The following PCDH15 variants were observed in gnomAD, a reference collection of about 807,000 sequenced individuals.
PCDH15 encodes protocadherin-15.
A neutral mutation model predicts 178.5 loss-of-function variants in PCDH15; 129 were observed. The ratio of observed to expected loss-of-function variants is 0.72; its 90% CI spans 0.63 to 0.84. The LOEUF is 0.84. Among genes scored for constraint, PCDH15 ranks in the 40% least tolerant of loss-of-function variants. The probability of loss-of-function intolerance (pLI) is 0.00; values close to 1 mark genes in which losing one functional copy is unlikely to be tolerated. For synonymous variants in PCDH15, 800 were observed against 732.0 expected, an observed-to-expected ratio of 1.09 and a Z score of -1.50; for missense variants, 2,230 against 2,099.9, an observed-to-expected ratio of 1.06 and a Z score of -1.21.
chr10:53,845,062 C>T (rs1433361868), intron 28 of PCDH15, among the ~76,000 whole-genome samples: 2 of 151,768 alleles, frequency 1.3e-5, no homozygotes, highest in Non-Finnish European at 3.0e-5. Flanking sequence ...GGCCAAGGAT[C>T]TGAATAGACA....
chr10:55,517,744 A>G (rs1841054704), intron 2 of PCDH15, among the ~76,000 whole-genome samples: 1 of 152,154 alleles, frequency 6.6e-6, no homozygotes, highest in African/African-American at 2.4e-5. Flanking sequence ...ATTGGTAACA[A>G]TCCATACAAG....
rs2058086252 is a variant in PCDH15, at chr10:54,272,069, T to C, written c.877-35138A>G. On this transcript the variant is annotated intron_variant, in intron 8 of 37. Coordinates refer to ENST00000644397, the MANE Select transcript of PCDH15 (RefSeq NM_001384140.1). ...TATATATAAAACATTTGCTACTGGT[T>C]AGGAGTAACACTCAGAAAATCATAC... 2.1e-5 allele frequency among the ~76,000 whole-genome samples: 3 copies of C among 144,370 alleles called. No individual in the cohort carries two copies. In the South Asian group the frequency reaches 6.7e-4, roughly 32 times the overall value. The allele number at this position is 144,370 out of a possible 152,430, so 94.7% of individuals were successfully genotyped here. A position where few individuals can be genotyped will look rare whatever the true frequency, so the allele number is the denominator to read the frequency against.
intron 21 of PCDH15, among the ~76,000 whole-genome samples, chr10:53,979,552 A>T (rs1176149810): frequency 6.6e-6 from 1 of 152,192 alleles, no homozygotes; most frequent in Non-Finnish European, 1.5e-5. Context: ...TAACCTATAA[A>T]TATCTGCTAA....
intron 1 of PCDH15, among the ~76,000 whole-genome samples, chr10:54,687,826 T>C (rs2095041094): frequency 6.6e-6 from 1 of 152,054 alleles, no homozygotes. Context: ...CTGGGGTCCC[T>C]ATACCTATTA....
At chr10:53,897,109 T>A (rs920773347) in intron 26 of PCDH15, among the ~76,000 whole-genome samples, 2 of 152,098 alleles carry the variant, frequency 1.3e-5, no homozygotes, top group African/African-American at 4.8e-5. Flanking sequence ...GACATTTCAG[T>A]TAATGATGTT....
At chr10:54,664,142 C>T (rs944071270) in intron 2 of PCDH15, 30 bp downstream of exon 2, 3 of 1,535,978 alleles carry the variant, frequency 2.0e-6, no homozygotes, top group Non-Finnish European at 2.7e-6. Flanking sequence ...TCCTGGCTCG[C>T]TCTAAAGGTC....
chr10:55,530,369 A>G (rs1167440155), intron 2 of PCDH15, among the ~76,000 whole-genome samples: 1 of 151,928 alleles, frequency 6.6e-6, no homozygotes, highest in Non-Finnish European at 1.5e-5. Context: ...GAATTTTAAA[A>G]AAATTCATAT....
chr10:54,012,691 A>G (rs1274052327), intron 20 of PCDH15, among the ~76,000 whole-genome samples: 3 of 152,170 alleles, frequency 2.0e-5, no homozygotes, highest in Non-Finnish European at 4.4e-5. Flanking sequence ...TGTCCAGTGA[A>G]ACTGAGCTTC....
chr10:55,542,280 T>A (rs1023187292), intron 2 of PCDH15, among the ~76,000 whole-genome samples: 1 of 151,170 alleles, frequency 6.6e-6, no homozygotes, highest in African/African-American at 2.4e-5. Context: ...CTATATTATG[T>A]ATATATGGAC....
intron 1 of PCDH15, among the ~76,000 whole-genome samples, chr10:55,182,807 CT>C (rs1839688513): frequency 6.6e-6 from 1 of 151,902 alleles, no homozygotes; most frequent in African/African-American, 2.4e-5. Context: ...CGAGAAATGA[CT>C]TGTGTTCAGT....
intron 15 of PCDH15, among the ~76,000 whole-genome samples, chr10:54,104,013 C>A (rs1412086768): frequency 2.0e-5 from 3 of 152,132 alleles, no homozygotes; most frequent in South Asian, 2.1e-4. Context: ...CTCTAGGGGC[C>A]CACAAGGACT....
At chr10:53,888,704 TC>T (rs2081352717) in intron 26 of PCDH15, among the ~76,000 whole-genome samples, 1 of 110,288 alleles carries the variant, frequency 9.1e-6, no homozygotes, top group Non-Finnish European at 1.9e-5. Context: ...TATATATATA[TC>T]TCCTGTGGAA....
chr10:54,236,153 C>T (rs1340507986), intron 9 of PCDH15, among the ~76,000 whole-genome samples: 1 of 152,124 alleles, frequency 6.6e-6, no homozygotes, highest in Non-Finnish European at 1.5e-5. Flanking sequence ...TAGCCTGTCT[C>T]ACATGCATCT....
intron 2 of PCDH15, among the ~76,000 whole-genome samples, chr10:55,431,326 A>G (rs1199327805): frequency 6.6e-6 from 1 of 152,146 alleles, no homozygotes; most frequent in Non-Finnish European, 1.5e-5. Flanking sequence ...TGGAATTGCA[A>G]TCACAATGAA....
At chr10:54,679,082 T>G (rs971852502) in intron 1 of PCDH15, among the ~76,000 whole-genome samples, 1 of 146,988 alleles carries the variant, frequency 6.8e-6, no homozygotes, top group Admixed American at 7.1e-5. Context: ...CCCAGCTACT[T>G]GGGAGGCTGA....
intron 1 of PCDH15, among the ~76,000 whole-genome samples, chr10:54,728,786 C>G (rs1415751236): frequency 6.6e-6 from 1 of 151,324 alleles, no homozygotes; most frequent in Non-Finnish European, 1.5e-5. Flanking sequence ...TCAATAGTGT[C>G]CAAGGTGAGA....
intron 1 of PCDH15, among the ~76,000 whole-genome samples, chr10:55,193,634 C>T (rs1564880439): frequency 6.6e-6 from 1 of 151,796 alleles, no homozygotes; most frequent in African/African-American, 2.4e-5. Flanking sequence ...AAATTAAATT[C>T]TCATATGCTA....
intron 3 of PCDH15, among the ~76,000 whole-genome samples, chr10:54,457,295 CTAATAG>C (rs1345911340): frequency 6.6e-6 from 1 of 152,122 alleles, no homozygotes; most frequent in Non-Finnish European, 1.5e-5. Flanking sequence ...CACTATTTTA[CTAATAG>C]TAACAACTAA....
chr10:55,575,673 T>A (rs1247798134), intron 2 of PCDH15: 2 of 152,212 alleles, frequency 1.3e-5, no homozygotes, highest in African/African-American at 4.8e-5. Context: ...AATGTGCATG[T>A]CCGCAGTGCA....
Sources: gnomAD v4.1 joint callset for allele counts (sites outside exome capture counted in the v4.1 genomes callset) on GRCh38, gnomAD v4.1.1 for gene constraint, MANE v1.5 for transcripts, NCBI Gene and HGNC (gene_info 2026-07-23, HGNC 2026-07-21) for gene names.